Variants in CCSER1 observed in about 807,000 individuals in gnomAD.
CCSER1 encodes the protein coiled-coil serine rich protein 1, also known as serine-rich coiled-coil domain-containing protein 1.
CCSER1 carries 41 observed loss-of-function variants against 82.0 expected under a neutral mutation model. That is an observed-to-expected ratio of 0.50 (90% CI 0.39 to 0.65). The LOEUF (loss-of-function observed/expected upper bound fraction) is 0.65, where lower values mean the gene tolerates loss of function less well. Ranked by LOEUF, CCSER1 falls within the 30% of genes least tolerant of loss-of-function variation. The pLI is 0.00. For missense variants in CCSER1, 1,119 were observed against 1,064.2 expected (o/e 1.05, Z -0.72); for synonymous variants, 414 against 383.9 (o/e 1.08, Z -0.92).
intron 3 of CCSER1, among the ~76,000 whole-genome samples, chr4:90,315,034 AG>A (rs1735937851): frequency 6.6e-6 from 1 of 151,636 alleles, no homozygotes. Context: ...TTTAGCAGAG[AG>A]GGGGTTTCAC....
At chr4:91,329,323 C>T (rs1461652215) in intron 10 of CCSER1, among the ~76,000 whole-genome samples, 1 of 152,124 alleles carries the variant, frequency 6.6e-6, no homozygotes, top group Non-Finnish European at 1.5e-5. Context: ...ATTTCTGATG[C>T]TGTGTGTTAA....
At chr4:90,447,410 C>A (rs1760812557) in intron 4 of CCSER1, among the ~76,000 whole-genome samples, 1 of 151,852 alleles carries the variant, frequency 6.6e-6, no homozygotes, top group Non-Finnish European at 1.5e-5. Flanking sequence ...CAGCTGCTAC[C>A]TTTCTGGCTG....
At chr4:90,806,257 A>AT (rs1256061658) in intron 7 of CCSER1, among the ~76,000 whole-genome samples, 1 of 152,220 alleles carries the variant, frequency 6.6e-6, no homozygotes, top group Admixed American at 6.5e-5. Flanking sequence ...TATATGTGTT[A>AT]TTCCATAAAT....
chr4:90,566,782 T>G (rs1382506495), intron 5 of CCSER1, among the ~76,000 whole-genome samples: 1 of 151,970 alleles, frequency 6.6e-6, no homozygotes, highest in Non-Finnish European at 1.5e-5. Flanking sequence ...TTGTGTATTT[T>G]TAGTAGAGAC....
At chr4:90,666,158 C>T (rs947723545) in intron 6 of CCSER1, among the ~76,000 whole-genome samples, 3 of 151,916 alleles carry the variant, frequency 2.0e-5, no homozygotes, top group East Asian at 1.9e-4. Flanking sequence ...CCTTTTCATA[C>T]GTTAGATGCA....
At chr4:90,185,149 C>T (rs1368352632) in intron 1 of CCSER1, among the ~76,000 whole-genome samples, 1 of 152,012 alleles carries the variant, frequency 6.6e-6, no homozygotes, top group Non-Finnish European at 1.5e-5. Flanking sequence ...TACATTCACA[C>T]CTTCACAATA....
At chr4:91,162,363 T>A (rs1346569462) in intron 10 of CCSER1, among the ~76,000 whole-genome samples, 1 of 152,214 alleles carries the variant, frequency 6.6e-6, no homozygotes, top group Non-Finnish European at 1.5e-5. Context: ...TAGATTAATG[T>A]TCATCAGGGA....
At chr4:90,653,190 T>A (rs1235910746) in intron 6 of CCSER1, among the ~76,000 whole-genome samples, 1 of 152,212 alleles carries the variant, frequency 6.6e-6, no homozygotes, top group Non-Finnish European at 1.5e-5. Flanking sequence ...TTATGTGTGC[T>A]TGTTTTTATT....
chr4:90,159,040 C>T lies in CCSER1; in HGVS notation c.-42+31209C>T, dbSNP rs561271959. ...TCTTGGCTCCGACCTCCCTGTCAGT[C>T]CTAGGTTTTAAGAGATGTGGTCTCA... is the stretch of plus-strand genomic sequence containing the variant. On this transcript the variant is annotated intron_variant, in intron 1 of 10. Coordinates refer to ENST00000509176, the MANE Select transcript of CCSER1 (RefSeq NM_001145065.2). Among the ~76,000 whole-genome samples, 3 of 152,106 alleles carry T rather than the reference C, an allele frequency of 2.0e-5. No individual in the cohort carries two copies. In the South Asian group the frequency reaches 6.2e-4, roughly 32 times the overall value.
chr4:90,395,912 A>G (rs986038429), intron 3 of CCSER1, among the ~76,000 whole-genome samples: 7 of 149,072 alleles, frequency 4.7e-5, no homozygotes, highest in African/African-American at 7.6e-5. Flanking sequence ...TCTACTAAAA[A>G]TACAAAAAAA....
intron 5 of CCSER1, among the ~76,000 whole-genome samples, chr4:90,491,923 A>G (rs1768092921): frequency 6.6e-6 from 1 of 152,110 alleles, no homozygotes; most frequent in Admixed American, 6.6e-5. Context: ...GTTTGCCAGT[A>G]TTTTATTGAG....
intron 9 of CCSER1, among the ~76,000 whole-genome samples, chr4:91,014,867 T>A (rs1485141417): frequency 9.9e-6 from 1 of 101,098 alleles, no homozygotes; most frequent in African/African-American, 2.7e-5. Flanking sequence ...TCTGTCCACA[T>A]AGGACTGGAA....
chr4:91,231,749 A>G (rs902620969), intron 10 of CCSER1, among the ~76,000 whole-genome samples: 6 of 151,816 alleles, frequency 4.0e-5, no homozygotes, highest in African/African-American at 1.4e-4. Flanking sequence ...ATCTGTATTT[A>G]ACATTAAAAT....
chr4:90,745,678 C>CTTTTTTTT (rs537380046), intron 7 of CCSER1, among the ~76,000 whole-genome samples: 16 of 72,246 alleles, frequency 2.2e-4, no homozygotes, highest in African/African-American at 3.5e-4. Flanking sequence ...TTTCTTTTAT[C>CTTTTTTTT]TTTTTTTTTT....
At chr4:91,304,937 G>A (rs940181942) in intron 10 of CCSER1, among the ~76,000 whole-genome samples, 2 of 151,854 alleles carry the variant, frequency 1.3e-5, no homozygotes, top group South Asian at 2.1e-4. Context: ...GTAGAAAGCA[G>A]GGCAAAATTT....
chr4:91,215,916 G>C (rs927431416), intron 10 of CCSER1, among the ~76,000 whole-genome samples: 1 of 152,126 alleles, frequency 6.6e-6, no homozygotes, highest in African/African-American at 2.4e-5. Context: ...CAAACTCCCT[G>C]AGGACTTGAA....
intron 1 of CCSER1, among the ~76,000 whole-genome samples, chr4:90,295,535 C>T (rs973253777): frequency 2.0e-5 from 3 of 151,796 alleles, no homozygotes; most frequent in African/African-American, 4.8e-5. Flanking sequence ...TCTATTTCCC[C>T]GATTACTAAT....
At chr4:90,868,211 CT>C (rs1477592658) in intron 8 of CCSER1, among the ~76,000 whole-genome samples, 1 of 151,850 alleles carries the variant, frequency 6.6e-6, no homozygotes, top group African/African-American at 2.4e-5. Context: ...CGGTTATACT[CT>C]TTAAGTTATT....
intron 3 of CCSER1, among the ~76,000 whole-genome samples, chr4:90,390,077 A>T (rs1750737478): frequency 6.6e-6 from 1 of 152,216 alleles, no homozygotes; most frequent in Non-Finnish European, 1.5e-5. Flanking sequence ...TACACTCAGT[A>T]AAGGTGCAAT....
Sources: gnomAD v4.1 joint callset for allele counts (sites outside exome capture counted in the v4.1 genomes callset) on GRCh38, gnomAD v4.1.1 for gene constraint, MANE v1.5 for transcripts, NCBI Gene and HGNC (gene_info 2026-07-23, HGNC 2026-07-21) for gene names.